LIG1: variants seen among roughly 807,000 people sequenced by gnomAD.
LIG1 encodes ligase I, DNA, ATP-dependent.
In LIG1, 70 loss-of-function variants were observed where a neutral mutation model predicts 115.7. The ratio of observed to expected loss-of-function variants is 0.60; its 90% CI spans 0.50 to 0.74. The LOEUF (loss-of-function observed/expected upper bound fraction) is 0.74. Ranked by LOEUF, LIG1 falls within the 30% of genes least tolerant of loss-of-function variation. The pLI, the probability that LIG1 is intolerant of heterozygous loss-of-function variation, is 0.00. For synonymous variants in LIG1, 487 were observed against 495.3 expected, an observed-to-expected ratio of 0.98 and a Z score of 0.22; for missense variants, 1,115 against 1,225.6, an observed-to-expected ratio of 0.91 and a Z score of 1.35.
intron 3 of LIG1, among the ~76,000 whole-genome samples, chr19:48,161,728 G>T (rs975638081): frequency 1.3e-5 from 2 of 151,818 alleles, no homozygotes; most frequent in Non-Finnish European, 2.9e-5. Flanking sequence ...CACATCTCTG[G>T]AAGTCTCCAG....
At position 48,115,965 on chromosome 19, in the gene LIG1, C is replaced by T. The variant is rs2032779640; in HGVS notation, c.2584G>A (p.Val862Met). ...AGGGAGATGCCCTTGTCACTATCCA[C>T]CTGCGGAAGCGGGATGGAGACTCCT... ...SPIYPAARGL[V>M]DSDKGISLRF... The change falls in exon 27 of 28, where the codon GTG (valine) becomes ATG (methionine). Residue 862 changes from valine to methionine, a missense_variant and splice_region_variant. Physicochemically the swap from Val to Met is conservative, Grantham distance 21. Transcript: ENST00000263274. 1.2e-6 allele frequency: 2 copies of T among 1,612,776 alleles called. No individual in the cohort carries two copies. Among genetic ancestry groups the T allele is most frequent in the African/African-American group, 1.3e-5 (1 of 74,876 alleles).
intron 14 of LIG1, among the ~76,000 whole-genome samples, chr19:48,136,490 T>G (rs1460210355): frequency 1.3e-5 from 2 of 152,166 alleles, no homozygotes; most frequent in Non-Finnish European, 2.9e-5. Context: ...GCATGGTCCT[T>G]GCTTTGAGCC....
At chr19:48,157,654 C>T (rs2035934373) in intron 4 of LIG1, among the ~76,000 whole-genome samples, 1 of 152,170 alleles carries the variant, frequency 6.6e-6, no homozygotes, top group South Asian at 2.1e-4. Context: ...AAGCAATTCT[C>T]CTGCCTCAGC....
chr19:48,115,898 G>T lies in LIG1; in HGVS notation c.2651C>A (p.Pro884Gln). Residue 884 changes from proline to glutamine, a missense_variant, in exon 27 of 28, where the codon CCG becomes CAG. Physicochemically the swap from Pro to Gln is moderately conservative, Grantham distance 76. Transcript: ENST00000263274. ...RFIRVREDKQPEQATTSAQVA... is the reference protein window; with the variant it reads ...RFIRVREDKQQEQATTSAQVA... The stretch of plus-strand genomic sequence containing the variant: ...CTGAGCACTGGTGGTGGCCTGCTCC[G>T]GCTGCTTGTCTTCACGGACTCGAAT... 6.2e-7 allele frequency: 1 copy of T among 1,613,978 alleles called. No homozygotes were observed. The highest frequency in any genetic ancestry group is 1.3e-5 in the African/African-American group (1 of 75,042).
intron 6 of LIG1, 23 bp from the exon 7 acceptor site, chr19:48,151,362 G>C (rs775670628): frequency 3.4e-6 from 5 of 1,473,812 alleles, no homozygotes; most frequent in Middle Eastern, 1.7e-4. Flanking sequence ...AGAACGGTCA[G>C]ATGGCAAAAA....
Position 48,169,913 on chromosome 19 carries a change from C to CCG in LIG1, c.-58+327_-58+328insCG, listed in dbSNP as rs1555784951. ...AGCTGGCCCCGCCCACACAGTTTTC[C>CCG]CCCCCCCGGCCCCGCCCCTCAGTTC... is the stretch of plus-strand genomic sequence containing the variant. On this transcript the variant is annotated intron_variant, in intron 1 of 27. Transcript: ENST00000263274. 4.8e-4 allele frequency: 60 copies of CCG among 123,752 alleles called. 1 individual carries two copies. Among genetic ancestry groups the CCG allele is most frequent in the African/African-American group, 1.8e-3 (53 of 29,904 alleles). The allele number at this position is 123,752 out of a possible 1,614,324, so 7.7% of individuals were successfully genotyped here.
At chr19:48,128,555 G>T (rs560340774) in intron 19 of LIG1, among the ~76,000 whole-genome samples, 1 of 152,200 alleles carries the variant, frequency 6.6e-6, no homozygotes, top group Non-Finnish European at 1.5e-5. Flanking sequence ...ACCCCAGCAC[G>T]TGAGCCTCTC....
intron 21 of LIG1, 55 bp downstream of exon 21, chr19:48,127,222 T>C: frequency 6.9e-7 from 1 of 1,444,798 alleles, no homozygotes; most frequent in South Asian, 1.1e-5. Flanking sequence ...GCTGCCAGGC[T>C]CACACCCCAC....
chr19:48,123,584 A>G, intron 21 of LIG1: 4 of 545,690 alleles, frequency 7.3e-6, no homozygotes, highest in Non-Finnish European at 9.9e-6. Flanking sequence ...TGGAGCTTGA[A>G]TTAACACTTT....
chr19:48,142,688 G>A (rs946298318), intron 11 of LIG1, among the ~76,000 whole-genome samples: 5 of 152,074 alleles, frequency 3.3e-5, no homozygotes, highest in Non-Finnish European at 7.3e-5. Flanking sequence ...CTGTCACCCA[G>A]GCTGGAGTGT....
At position 48,137,495 on chromosome 19, in the gene LIG1, C is replaced by T. The variant is rs2034465881; in HGVS notation, c.1254+27G>A. 6.2e-7 allele frequency: 1 copy of T among 1,608,686 alleles called. No homozygotes were observed. Among genetic ancestry groups the T allele is most frequent in the South Asian group, 1.1e-5 (1 of 91,016 alleles). On this transcript the variant is annotated intron_variant, in intron 13 of 27. Transcript: ENST00000263274. This position sits in a 1 kb window ranked among gnomAD's most constrained non-coding sequence, Gnocchi z 4.3. ...CTCAGGTCCCCAAGATGTCTGGGGT[C>T]CGGGATGAGCGGCCCGCCCCACTCA...
At chr19:48,131,193 G>A (rs764510840) in intron 18 of LIG1, 22 bp from the exon 19 acceptor site, 10 of 1,591,578 alleles carry the variant, frequency 6.3e-6, no homozygotes, top group South Asian at 1.1e-5. Context: ...GGAGAAGGGA[G>A]GGGAAATCAG....
chr19:48,147,687 C>T (rs1331911774), intron 9 of LIG1, among the ~76,000 whole-genome samples: 3 of 151,788 alleles, frequency 2.0e-5, no homozygotes, highest in African/African-American at 4.8e-5. Flanking sequence ...ACCCAAAAAA[C>T]CTAAGTTCTA....
At chr19:48,153,638 AC>A (rs1011976093) in intron 6 of LIG1, among the ~76,000 whole-genome samples, 6 of 6,586 alleles carry the variant, frequency 9.1e-4, no homozygotes, top group Admixed American at 2.0e-3. Flanking sequence ...CAGATCCAAA[AC>A]ACACACACAC....
In LIG1 at chr19:48,137,137, C is replaced by T; in HGVS notation, c.1255-53G>A. ...TGCCTGGTGAAGGCAGGGACCACAC[C>T]TCCACCCCACCAGCCGTGCTGCTGC... On this transcript the variant is annotated intron_variant, in intron 13 of 27. Transcript: ENST00000263274. The surrounding 1 kb of genome is among the most constrained non-coding windows in gnomAD (Gnocchi z 4.3). 7.1e-7 allele frequency: 1 copy of T among 1,405,498 alleles called. No homozygotes were observed. The highest frequency in any genetic ancestry group is 1.0e-6 in the Non-Finnish European group (1 of 1,000,852). The allele number at this position is 1,405,498 out of a possible 1,614,324, so 87.1% of individuals were successfully genotyped here. A position where few individuals can be genotyped will look rare whatever the true frequency, so the allele number is the denominator to read the frequency against.
Position 48,115,975 on chromosome 19 carries a change from C to T in LIG1, c.2584-10G>A, listed in dbSNP as rs182766545. 3,916 of 1,609,698 alleles carry T rather than the reference C, an allele frequency of 2.4e-3. 5 individuals are homozygous for T. Among genetic ancestry groups the T allele is most frequent in the Non-Finnish European group, 3.0e-3 (3,510 of 1,177,134 alleles). Reference sequence around the variant, plus strand: ...CCTTGTCACTATCCACCTGCGGAAGCGGGATGGAGACTCCTGCGGTCCAGC... The same window carrying T: ...CCTTGTCACTATCCACCTGCGGAAGTGGGATGGAGACTCCTGCGGTCCAGC... On this transcript the variant is annotated splice_polypyrimidine_tract_variant and intron_variant, in intron 26 of 27. Transcript: ENST00000263274.
Position 48,161,451 on chromosome 19 carries a change from C to G in LIG1, c.164G>C (p.Arg55Thr), listed in dbSNP as rs774048956. The change falls in exon 4 of 28, where the codon AGG (arginine) becomes ACG (threonine). Residue 55 changes from arginine (R) to threonine (T), a missense_variant. Physicochemically the swap from Arg to Thr is moderately conservative, Grantham distance 71. Coordinates refer to ENST00000263274, the MANE Select transcript of LIG1 (RefSeq NM_000234.3). ...GACCCGGGCCGCCTTCCTCCCTGGCCTCTTCACCGGAGAGTCACTCTCGGA... is the reference window on the plus strand; with the variant it reads ...GACCCGGGCCGCCTTCCTCCCTGGCGTCTTCACCGGAGAGTCACTCTCGGA... ...VVSESDSPVKRPGRKAARVLG... is the reference protein window; with the variant it reads ...VVSESDSPVKTPGRKAARVLG... 3 of 1,614,194 alleles carry G rather than the reference C, an allele frequency of 1.9e-6. No homozygotes were observed. The African/African-American group carries it at 4.0e-5, about 22-fold the overall frequency.
At chr19:48,153,174 G>A (rs1189263926) in intron 6 of LIG1, among the ~76,000 whole-genome samples, 2 of 129,056 alleles carry the variant, frequency 1.5e-5, no homozygotes, top group African/African-American at 3.0e-5. Context: ...TAGCCTGAGC[G>A]ACACAGTGAG....
intron 19 of LIG1, 85 bp from the exon 20 acceptor site, chr19:48,128,105 TC>T (rs1221131068): frequency 9.4e-6 from 10 of 1,064,202 alleles, no homozygotes; most frequent in Non-Finnish European, 1.3e-5. Context: ...AATTCCCTTT[TC>T]CTTCTGCAGC....
Sources: allele counts gnomAD v4.1 joint callset (sites outside exome capture counted in the v4.1 genomes callset), GRCh38; gene constraint gnomAD v4.1.1; non-coding constraint Gnocchi (gnomAD v3.1); transcripts MANE v1.5; gene names NCBI Gene and HGNC (gene_info 2026-07-23, HGNC 2026-07-21).